The following CDH23 variants were observed in gnomAD, a reference collection of about 807,000 sequenced individuals.
CDH23 encodes cadherin-23.
Under a neutral mutation model 317.1 loss-of-function variants are expected in CDH23, and 189 were observed. The observed-to-expected ratio is 0.60, with a 90% CI of 0.53 to 0.67. The LOEUF (loss-of-function observed/expected upper bound fraction) is 0.67, where lower values mean the gene tolerates loss of function less well. CDH23 is among the 30% of genes least tolerant of loss of function. The probability of loss-of-function intolerance (pLI) is 0.00; values close to 1 mark genes in which losing one functional copy is unlikely to be tolerated. For synonymous variants in CDH23, 1,839 were observed against 1,876.8 expected (o/e 0.98, Z 0.52); for missense variants, 4,401 against 4,592.4 (o/e 0.96, Z 1.20).
chr10:71,556,082 A>G (rs877784), intron 6 of CDH23, among the ~76,000 whole-genome samples: 18,677 of 152,212 alleles, frequency 0.12, 1,912 homozygotes, highest in African/African-American at 0.28. Context: ...AGGGGACCAC[A>G]CTTTGGGGCT....
chr10:71,492,129 G>A (rs1191658358), intron 3 of CDH23, among the ~76,000 whole-genome samples: 1 of 152,186 alleles, frequency 6.6e-6, no homozygotes, highest in Admixed American at 6.5e-5. Flanking sequence ...GGCATTGAAA[G>A]CCATGGGTGA....
chr10:71,809,636 G>T (rs556554089), intron 60 of CDH23, among the ~76,000 whole-genome samples, 184 bp from the exon 61 acceptor site: 1 of 152,132 alleles, frequency 6.6e-6, no homozygotes, highest in African/African-American at 2.4e-5. Flanking sequence ...GCTGAGACCC[G>T]AGCCATTTCC....
intron 9 of CDH23, among the ~76,000 whole-genome samples, chr10:71,584,983 A>C (rs1858948325): frequency 6.6e-6 from 1 of 152,120 alleles, no homozygotes; most frequent in South Asian, 2.1e-4. Flanking sequence ...GAAGTAGGTT[A>C]TTGAGTGCAG....
chr10:71,697,992 C>T (rs1865456466), intron 22 of CDH23, among the ~76,000 whole-genome samples: 1 of 152,148 alleles, frequency 6.6e-6, no homozygotes, highest in South Asian at 2.1e-4. Flanking sequence ...AGGGCAAAAT[C>T]AAAATTAAAA....
intron 28 of CDH23, among the ~76,000 whole-genome samples, chr10:71,718,377 C>T (rs1451427779): frequency 6.6e-6 from 1 of 152,234 alleles, no homozygotes; most frequent in Non-Finnish European, 1.5e-5. Context: ...CCACCACCAC[C>T]CCTCCCAGCA....
At chr10:71,603,014 T>C (rs1860318727) in intron 9 of CDH23, among the ~76,000 whole-genome samples, 1 of 152,180 alleles carries the variant, frequency 6.6e-6, no homozygotes, top group Non-Finnish European at 1.5e-5. Context: ...CATTAGACGG[T>C]GGGCTCCCTG....
intron 34 of CDH23, 136 bp from the exon 35 acceptor site, chr10:71,738,362 C>T (rs1239689323): frequency 1.8e-5 from 18 of 983,658 alleles, no homozygotes; most frequent in Middle Eastern, 4.3e-4. Flanking sequence ...GGATAGGCTT[C>T]GGTGGGCTCT....
chr10:71,597,471 C>T (rs1859935575), intron 9 of CDH23, among the ~76,000 whole-genome samples: 1 of 152,170 alleles, frequency 6.6e-6, no homozygotes, highest in Non-Finnish European at 1.5e-5. Context: ...CTCCCCACCT[C>T]ATCCGCCCTG....
At chr10:71,518,673 C>G (rs948135498) in intron 6 of CDH23, among the ~76,000 whole-genome samples, 1 of 152,236 alleles carries the variant, frequency 6.6e-6, no homozygotes, top group African/African-American at 2.4e-5. Flanking sequence ...CAGGTGATGA[C>G]CCCCTTCCCC....
chr10:71,655,625 C>T (rs1448466000), intron 14 of CDH23, among the ~76,000 whole-genome samples: 1 of 152,082 alleles, frequency 6.6e-6, no homozygotes, highest in East Asian at 1.9e-4. Context: ...TTCCCCACGC[C>T]ACTGAAAACC....
intron 9 of CDH23, among the ~76,000 whole-genome samples, chr10:71,590,432 C>CT (rs1257665256): frequency 1.3e-5 from 2 of 152,152 alleles, no homozygotes; most frequent in African/African-American, 4.8e-5. Context: ...ACTGCCCCTC[C>CT]TACCCCCTTT....
At position 71,803,234 on chromosome 10, in the gene CDH23, G is replaced by C; in HGVS notation, c.7686G>C (p.Ser2562=). Residue 2562 remains serine (S), a synonymous_variant, in exon 55 of 70, where the codon TCG becomes TCC. Coordinates refer to ENST00000224721, the MANE Select transcript of CDH23 (RefSeq NM_022124.6). ...GVEAFHVDMD[S]GLVTTQRPLQ... ...AGGCCTTCCATGTGGACATGGACTC[G>C]GGCTTGGTGACCACACAGCGGCCAC... 1.2e-6 allele frequency: 2 copies of C among 1,603,036 alleles called. No homozygotes were observed. Among genetic ancestry groups the C allele is most frequent in the Non-Finnish European group, 1.7e-6 (2 of 1,174,334 alleles).
At chr10:71,656,980 G>A (rs1020667950) in intron 14 of CDH23, among the ~76,000 whole-genome samples, 25 of 152,330 alleles carry the variant, frequency 1.6e-4, no homozygotes, top group Middle Eastern at 3.4e-3. Context: ...ACTGCAAGAA[G>A]CAGGGAAGGA....
intron 11 of CDH23, among the ~76,000 whole-genome samples, chr10:71,630,549 G>A (rs1209251776): frequency 1.3e-5 from 2 of 152,312 alleles, no homozygotes; most frequent in East Asian, 3.9e-4. Flanking sequence ...TTTTTGGCCT[G>A]AGCAGTTAGA....
intron 6 of CDH23, among the ~76,000 whole-genome samples, chr10:71,544,079 T>C (rs977985833): frequency 2.6e-5 from 4 of 152,228 alleles, no homozygotes; most frequent in African/African-American, 9.6e-5. Context: ...GAGGCAGGCC[T>C]GAGCTTTTAA....
chr10:71,752,073 G>A (rs927959856), intron 38 of CDH23: 3 of 700,948 alleles, frequency 4.3e-6, no homozygotes, highest in Non-Finnish European at 7.7e-6. Context: ...AGGGCATCAG[G>A]GCCCACCAGA....
At chr10:71,562,282 C>G (rs1347405287) in intron 6 of CDH23, among the ~76,000 whole-genome samples, 2 of 152,226 alleles carry the variant, frequency 1.3e-5, no homozygotes, top group African/African-American at 4.8e-5. Flanking sequence ...CAAGCCATCC[C>G]TTGCCCGTCC....
At chr10:71,617,539 GA>G (rs927513738) in intron 11 of CDH23, 146 bp downstream of exon 11, 97 of 1,429,956 alleles carry the variant, frequency 6.8e-5, no homozygotes, top group African/African-American at 5.6e-4. Context: ...AAATAAGGCT[GA>G]AAAAAAAATC....
chr10:71,617,069 C>T, intron 10 of CDH23, 136 bp from the exon 11 acceptor site: 1 of 1,189,536 alleles, frequency 8.4e-7, no homozygotes, highest in Non-Finnish European at 1.2e-6. Flanking sequence ...AATCCTCCTC[C>T]TGGAGTTGTG....
Sources: allele counts gnomAD v4.1 joint callset (sites outside exome capture counted in the v4.1 genomes callset), GRCh38; gene constraint gnomAD v4.1.1; transcripts MANE v1.5; gene names NCBI Gene and HGNC (gene_info 2026-07-23, HGNC 2026-07-21).